EML4: variants seen among roughly 807,000 people sequenced by gnomAD.
EML4 encodes the protein EMAP like 4.
A neutral mutation model predicts 129.0 loss-of-function variants in EML4; 72 were observed. That is an observed-to-expected ratio of 0.56 (90% CI 0.46 to 0.68). EML4 has a LOEUF of 0.68. Among genes scored for constraint, EML4 ranks in the 30% least tolerant of loss-of-function variants. The pLI is 0.00. For synonymous variants in EML4, 532 were observed against 405.0 expected (o/e 1.31, Z -3.77); for missense variants, 1,363 against 1,190.6 (o/e 1.14, Z -2.13).
In EML4 at chr2:42,330,232, T is replaced by C. The variant is rs768987088; in HGVS notation, c.*25T>C. 8 of 1,590,108 alleles carry C rather than the reference T, an allele frequency of 5.0e-6. No individual in the cohort carries two copies. The highest frequency in any genetic ancestry group is 6.0e-6 in the Non-Finnish European group (7 of 1,159,438). Reference sequence around the variant, plus strand: ...ACACCCTGGCTTCAGTGCAACTCTTTTCCTTCAGCTGCATGTGATTTTGTG... The same window carrying C: ...ACACCCTGGCTTCAGTGCAACTCTTCTCCTTCAGCTGCATGTGATTTTGTG... On this transcript the variant is annotated 3_prime_UTR_variant, in exon 23 of 23. Transcript: ENST00000318522.
chr2:42,246,011 C>T (rs1488235487), intron 2 of EML4, among the ~76,000 whole-genome samples: 1 of 152,070 alleles, frequency 6.6e-6, no homozygotes, highest in African/African-American at 2.4e-5. Flanking sequence ...TCATATTGAA[C>T]ATAGGTGGTA....
At chr2:42,259,003 T>G (rs1399576241) in intron 3 of EML4, among the ~76,000 whole-genome samples, 1 of 152,044 alleles carries the variant, frequency 6.6e-6, no homozygotes, top group Admixed American at 6.5e-5. Context: ...TCCCAGCACT[T>G]TGGGAGGCTG....
Position 42,261,244 on chromosome 2 carries a change from C to G in EML4, c.462C>G (p.Leu154=). ...SPSPQPSSQP[L]QIHRQTPESK... Reference sequence around the variant, plus strand: ...CTCCCCAGCCCTCTTCACAACCTCTCCAAATACACAGACAAACTCCAGAAA... The same window carrying G: ...CTCCCCAGCCCTCTTCACAACCTCTGCAAATACACAGACAAACTCCAGAAA... The change falls in exon 4 of 23, where the codon CTC becomes CTG. Residue 154 remains leucine, a synonymous_variant. Coordinates refer to ENST00000318522, the MANE Select transcript of EML4 (RefSeq NM_019063.5). 1 of 1,613,962 alleles carries G rather than the reference C, an allele frequency of 6.2e-7. No individual in the cohort carries two copies. Among genetic ancestry groups the G allele is most frequent in the Non-Finnish European group, 8.5e-7 (1 of 1,179,916 alleles).
chr2:42,224,183 C>G (rs1245618636), intron 1 of EML4, among the ~76,000 whole-genome samples: 6 of 152,076 alleles, frequency 3.9e-5, no homozygotes, highest in Admixed American at 2.6e-4. Context: ...AGAAGAAATC[C>G]TGTATCCTTT....
chr2:42,326,361 A>T, intron 21 of EML4, 109 bp downstream of exon 21: 1 of 706,548 alleles, frequency 1.4e-6, no homozygotes, highest in Non-Finnish European at 2.3e-6. Context: ...CTTTAGCTTT[A>T]TCACTATTAA....
chr2:42,182,066 G>GTATT (rs1369741293), intron 1 of EML4, among the ~76,000 whole-genome samples: 1 of 146,712 alleles, frequency 6.8e-6, no homozygotes, highest in African/African-American at 2.5e-5. Flanking sequence ...TATGCTTAAT[G>GTATT]TATTTATTTA....
At chr2:42,279,160 G>T (rs1223052243) in intron 6 of EML4, among the ~76,000 whole-genome samples, 1 of 152,150 alleles carries the variant, frequency 6.6e-6, no homozygotes, top group Non-Finnish European at 1.5e-5. Flanking sequence ...ATGTGTGTGT[G>T]TGTATATATA....
At position 42,281,397 on chromosome 2, in the gene EML4, G is replaced by GAAA. The variant is rs60523483; in HGVS notation, c.791+437_791+439dup. On this transcript the variant is annotated intron_variant, in intron 7 of 22. Transcript: ENST00000318522. ...GACCGGGGAAAACTCTGTCTCAAAAGAAAAAAAAAAAAAAAGGAGACATTA... is the reference window on the plus strand; with the variant it reads ...GACCGGGGAAAACTCTGTCTCAAAAGAAAAAAAAAAAAAAAAAAGGAGACATTA... Among the ~76,000 whole-genome samples the GAAA allele has an allele frequency of 4.5e-4, 50 of 112,096 alleles. 2 individuals carry two copies. The highest frequency in any genetic ancestry group is 7.6e-4 in the Non-Finnish European group (38 of 49,722). 73.5% of individuals were successfully genotyped at this position (112,096 alleles called of 152,430 possible).
intron 3 of EML4, among the ~76,000 whole-genome samples, chr2:42,258,848 T>C (rs1351866714): frequency 6.6e-6 from 1 of 152,258 alleles, no homozygotes; most frequent in Non-Finnish European, 1.5e-5. Context: ...TAAACTATTA[T>C]AATGTGATAA....
intron 1 of EML4, among the ~76,000 whole-genome samples, chr2:42,201,507 C>A (rs1159244147): frequency 6.6e-6 from 1 of 152,124 alleles, no homozygotes; most frequent in African/African-American, 2.4e-5. Context: ...GAGTATATAT[C>A]CAAAGGAATT....
At position 42,330,593 on chromosome 2, in the gene EML4, C is replaced by A; in HGVS notation, c.*386C>A. On this transcript the variant is annotated 3_prime_UTR_variant, in exon 23 of 23. Transcript: ENST00000318522. ...ACCAGAGGTATCACAAACACTGTTA[C>A]TCATCTACTGGCTCAGACTGTACTA... 2 of 395,228 alleles carry A rather than the reference C, an allele frequency of 5.1e-6. No individual in the cohort carries two copies. The highest frequency in any genetic ancestry group is 9.5e-6 in the Non-Finnish European group (2 of 209,966). The allele number at this position is 395,228 out of a possible 1,614,324, so 24.5% of individuals were successfully genotyped here.
At chr2:42,204,329 C>G (rs1340432469) in intron 1 of EML4, among the ~76,000 whole-genome samples, 2 of 152,156 alleles carry the variant, frequency 1.3e-5, no homozygotes, top group African/African-American at 4.8e-5. Context: ...CCAGGTTGGT[C>G]TGATTTCAGT....
chr2:42,224,316 G>GTCACTGGCTTCTT (rs1673811413), intron 1 of EML4, among the ~76,000 whole-genome samples: 1 of 152,048 alleles, frequency 6.6e-6, no homozygotes, highest in Non-Finnish European at 1.5e-5. Flanking sequence ...GTAGTCTTTT[G>GTCACTGGCTTCTT]TCACTGGCTT....
intron 13 of EML4, among the ~76,000 whole-genome samples, chr2:42,300,261 T>C (rs1668207946): frequency 6.6e-6 from 1 of 152,228 alleles, no homozygotes; most frequent in Non-Finnish European, 1.5e-5. Flanking sequence ...TAGGACATCA[T>C]CTTCCAAAAA....
intron 22 of EML4, 93 bp downstream of exon 22, chr2:42,329,109 T>C (rs2103847547): frequency 7.7e-7 from 1 of 1,300,016 alleles, no homozygotes. Flanking sequence ...TACTGATTCC[T>C]CTCCATGATA....
chr2:42,189,217 G>C (rs1221171138), intron 1 of EML4, among the ~76,000 whole-genome samples: 1 of 152,138 alleles, frequency 6.6e-6, no homozygotes, highest in Non-Finnish European at 1.5e-5. Flanking sequence ...ACTGTGGGGA[G>C]CACCTGAAAT....
chr2:42,179,628 G>T (rs566266161), intron 1 of EML4, among the ~76,000 whole-genome samples: 132 of 152,148 alleles, frequency 8.7e-4, no homozygotes, highest in African/African-American at 3.0e-3. Context: ...TTTGAGATGG[G>T]GTCTCGCTCT....
intron 8 of EML4, among the ~76,000 whole-genome samples, 193 bp downstream of exon 8, chr2:42,283,165 A>G (rs928368923): frequency 2.0e-5 from 3 of 152,256 alleles, no homozygotes; most frequent in African/African-American, 7.2e-5. Context: ...TGGTATCAGC[A>G]GCAACAAAAC....
At chr2:42,277,520 A>C (rs531105665) in intron 6 of EML4, among the ~76,000 whole-genome samples, 4 of 152,034 alleles carry the variant, frequency 2.6e-5, no homozygotes, top group Admixed American at 6.5e-5. Context: ...AACTACACTG[A>C]GTAATAATAA....
Sources: gnomAD v4.1 joint callset for allele counts (sites outside exome capture counted in the v4.1 genomes callset) on GRCh38, gnomAD v4.1.1 for gene constraint, MANE v1.5 for transcripts, NCBI Gene and HGNC (gene_info 2026-07-23, HGNC 2026-07-21) for gene names.